The following NBEAL1 variants were observed in gnomAD, a reference collection of about 807,000 sequenced individuals.
NBEAL1 encodes neurobeachin like 1.
NBEAL1 carries 273 observed loss-of-function variants against 351.3 expected under a neutral mutation model. That is an observed-to-expected ratio of 0.78 (90% CI 0.70 to 0.86). The LOEUF (loss-of-function observed/expected upper bound fraction) is 0.86. Among genes scored for constraint, NBEAL1 ranks in the 40% least tolerant of loss-of-function variants. The probability of loss-of-function intolerance (pLI) is 0.00; values close to 1 mark genes in which losing one functional copy is unlikely to be tolerated. For synonymous variants in NBEAL1, 1,050 were observed against 1,086.4 expected (o/e 0.97, Z 0.66); for missense variants, 2,961 against 3,201.3 (o/e 0.92, Z 1.81).
At chr2:203,042,736 C>T (rs1051473240) in intron 3 of NBEAL1, among the ~76,000 whole-genome samples, 3 of 152,124 alleles carry the variant, frequency 2.0e-5, no homozygotes, top group Non-Finnish European at 2.9e-5. Flanking sequence ...TACAGGCGCA[C>T]GCCACCATGC....
At chr2:203,033,319 T>G (rs1574871839) in intron 2 of NBEAL1, among the ~76,000 whole-genome samples, 1 of 152,200 alleles carries the variant, frequency 6.6e-6, no homozygotes, top group South Asian at 2.1e-4. Flanking sequence ...TTTTTAAATG[T>G]GAAAGTTCCC....
chr2:203,138,805 A>G (rs1279206335), intron 31 of NBEAL1, 57 bp downstream of exon 31: 12 of 1,487,538 alleles, frequency 8.1e-6, no homozygotes, highest in South Asian at 2.8e-5. Flanking sequence ...GGTATTATTT[A>G]TGTAACAAGC....
At chr2:203,161,828 A>T (rs980030524) in intron 36 of NBEAL1, among the ~76,000 whole-genome samples, 1 of 151,682 alleles carries the variant, frequency 6.6e-6, no homozygotes, top group Non-Finnish European at 1.5e-5. Context: ...GCCAGACCCT[A>T]TCTCTAAAAT....
chr2:203,128,566 G>A (rs547278636), intron 24 of NBEAL1, among the ~76,000 whole-genome samples: 66 of 150,700 alleles, frequency 4.4e-4, no homozygotes, highest in African/African-American at 1.5e-3. Context: ...ACTTAGCATC[G>A]AAGTTATCAT....
Position 203,057,394 on chromosome 2 carries a change from A to G in NBEAL1, c.456A>G (p.Ala152=), listed in dbSNP as rs1222346855. The change falls in exon 6 of 56, where the codon GCA becomes GCG. Residue 152 remains alanine, a synonymous_variant. Transcript: ENST00000683969. ...GTATTGAAGAATTTGTGATCCACGC[A>G]TTGGCATTTTGTGAAAGCTTATATG... The part of the protein sequence containing the change: ...QTCIEEFVIH[A]LAFCESLYDP... The G allele has an allele frequency of 1.3e-6, 2 of 1,553,054 alleles. No homozygotes were observed. Among genetic ancestry groups the G allele is most frequent in the Non-Finnish European group, 1.7e-6 (2 of 1,146,822 alleles).
intron 36 of NBEAL1, among the ~76,000 whole-genome samples, chr2:203,160,372 C>T (rs537838995): frequency 3.9e-5 from 6 of 152,256 alleles, no homozygotes; most frequent in Admixed American, 2.0e-4. Flanking sequence ...TGAGCCACCA[C>T]GCCCGGCCTG....
At chr2:203,055,080 G>A (rs1442091431) in intron 4 of NBEAL1, among the ~76,000 whole-genome samples, 1 of 152,050 alleles carries the variant, frequency 6.6e-6, no homozygotes, top group Admixed American at 6.5e-5. Context: ...GTGTTTCCTT[G>A]TTCTGTATCT....
chr2:203,187,353 T>G (rs2064929279), intron 44 of NBEAL1, among the ~76,000 whole-genome samples: 2 of 139,506 alleles, frequency 1.4e-5, no homozygotes, highest in Non-Finnish European at 3.1e-5. Flanking sequence ...CCACCATGCC[T>G]GGCTCTTGCA....
In NBEAL1 at chr2:203,126,831, A is replaced by G. The variant is rs764625973; in HGVS notation, c.3153A>G (p.Ile1051Met). Residue 1051 changes from isoleucine (I) to methionine (M), a missense_variant, in exon 23 of 56, where the codon ATA becomes ATG. Ile to Met is a conservative substitution (Grantham distance 10). Coordinates refer to ENST00000683969, the MANE Select transcript of NBEAL1 (RefSeq NM_001378026.1). Reference sequence around the variant, plus strand: ...TTGAACTTTTTATTTTAGGTCACATACAGTATCTTTCAACCATCATTAAAG... The same window carrying G: ...TTGAACTTTTTATTTTAGGTCACATGCAGTATCTTTCAACCATCATTAAAG... ...RGDFPFRIGH[I>M]QYLSTIIKDS... 1.9e-6 allele frequency: 3 copies of G among 1,551,782 alleles called. No homozygotes were observed. Among genetic ancestry groups the G allele is most frequent in the Non-Finnish European group, 8.7e-7 (1 of 1,146,866 alleles).
chr2:203,050,827 C>T (rs2106074689), intron 4 of NBEAL1, among the ~76,000 whole-genome samples: 1 of 152,200 alleles, frequency 6.6e-6, no homozygotes, highest in East Asian at 1.9e-4. Flanking sequence ...ATTCAAGAAC[C>T]ATTAGTTTAG....
At chr2:203,193,042 G>A (rs1239600295) in intron 46 of NBEAL1, among the ~76,000 whole-genome samples, 1 of 136,560 alleles carries the variant, frequency 7.3e-6, no homozygotes, top group Admixed American at 8.5e-5. Context: ...CACGATCTTG[G>A]CTCACTGCAA....
chr2:203,044,113 A>T (rs1434002498), intron 3 of NBEAL1, among the ~76,000 whole-genome samples: 1 of 152,150 alleles, frequency 6.6e-6, no homozygotes, highest in Non-Finnish European at 1.5e-5. Flanking sequence ...TAATCCAGAG[A>T]TGTGGCCAGA....
chr2:203,214,357 C>T (rs2065863615), intron 55 of NBEAL1, among the ~76,000 whole-genome samples: 1 of 152,148 alleles, frequency 6.6e-6, no homozygotes, highest in South Asian at 2.1e-4. Flanking sequence ...TACCGTCACA[C>T]AGTCAGTGGC....
intron 33 of NBEAL1, among the ~76,000 whole-genome samples, chr2:203,146,115 C>T (rs2063508151): frequency 6.6e-6 from 1 of 152,002 alleles, no homozygotes; most frequent in Non-Finnish European, 1.5e-5. Flanking sequence ...CTACAAACCA[C>T]TCTATGCACA....
chr2:203,169,798 T>C lies in NBEAL1; in HGVS notation c.6049T>C (p.Tyr2017His), dbSNP rs1282821438. ...GTTGTCACTTCATTCCCCAAATAGT[T>C]ATTATGGAAGCAGATCACCACAGGA... ...RLLSLHSPNS[Y>H]YGSRSPQELF... Residue 2017 changes from tyrosine to histidine, a missense_variant, in exon 39 of 56, where the codon TAT (tyrosine) becomes CAT (histidine). Coordinates refer to ENST00000683969, the MANE Select transcript of NBEAL1 (RefSeq NM_001378026.1). 1.2e-6 allele frequency: 2 copies of C among 1,610,608 alleles called. No individual in the cohort carries two copies. Among genetic ancestry groups the C allele is most frequent in the Non-Finnish European group, 1.7e-6 (2 of 1,178,346 alleles).
rs1192990038 is a variant in NBEAL1 at position 203,172,863 on chromosome 2, T to C, written c.6323+10T>C. The C allele has an allele frequency of 1.9e-6, 3 of 1,589,270 alleles. No homozygotes were observed. The highest frequency in any genetic ancestry group is 2.6e-6 in the Non-Finnish European group (3 of 1,170,268). On this transcript the variant is annotated intron_variant, in intron 41 of 55. Transcript: ENST00000683969. ...AAGCTATGAGAGAAAAGTAAGTGCT[T>C]CTTATTCCTTTTATAAAATACACAT...
intron 36 of NBEAL1, among the ~76,000 whole-genome samples, chr2:203,165,549 C>G (rs944292865): frequency 6.6e-6 from 1 of 152,058 alleles, no homozygotes; most frequent in East Asian, 1.9e-4. Flanking sequence ...TTTCAGCTGT[C>G]CTCTGCTAAT....
intron 46 of NBEAL1, chr2:203,190,781 T>C (rs2065050055): frequency 6.2e-6 from 10 of 1,609,036 alleles, no homozygotes; most frequent in Non-Finnish European, 8.5e-6. Context: ...GCCTCCACCA[T>C]GCCGCCGAAG....
Position 203,209,188 on chromosome 2 carries a change from C to T in NBEAL1, c.7651C>T (p.Gln2551Ter). The T allele has an allele frequency of 6.2e-7, 1 of 1,613,530 alleles. No homozygotes were observed. The highest frequency in any genetic ancestry group is 8.5e-7 in the Non-Finnish European group (1 of 1,179,548). ...TGGAACGGTGATTATACATACCATT[C>T]AGAAAGGTCAGTACATGAGGACTTT... ...RDGTVIIHTI[Q>*]KGQYMRTLRP... Residue 2551 changes from glutamine to a stop codon, truncating the protein, a stop_gained, in exon 53 of 56, where the codon CAG becomes TAG. Coordinates refer to ENST00000683969, the MANE Select transcript of NBEAL1 (RefSeq NM_001378026.1). LOFTEE classifies it high-confidence loss of function.
Sources: allele counts gnomAD v4.1 joint callset (sites outside exome capture counted in the v4.1 genomes callset), GRCh38; gene constraint gnomAD v4.1.1; transcripts MANE v1.5; gene names NCBI Gene and HGNC (gene_info 2026-07-23, HGNC 2026-07-21).